Variants in EPM2AIP1 observed in about 807,000 individuals in gnomAD.
The protein encoded by EPM2AIP1 is EPM2A-interacting protein 1.
A neutral mutation model predicts 44.8 loss-of-function variants in EPM2AIP1; 23 were observed. That is an observed-to-expected ratio of 0.51 (90% CI 0.37 to 0.73). The LOEUF (loss-of-function observed/expected upper bound fraction) is 0.73. EPM2AIP1 is among the 30% of genes least tolerant of loss of function. The probability of loss-of-function intolerance (pLI) is 0.00; values close to 1 mark genes in which losing one functional copy is unlikely to be tolerated. For synonymous variants in EPM2AIP1, 311 were observed against 284.3 expected, an observed-to-expected ratio of 1.09 and a Z score of -0.94; for missense variants, 652 against 743.9, an observed-to-expected ratio of 0.88 and a Z score of 1.44.
In EPM2AIP1 at chr3:36,991,228, G is replaced by C. The variant is rs756822039; in HGVS notation, c.*26C>G. On this transcript the variant is annotated 3_prime_UTR_variant, in exon 1 of 1. Coordinates refer to ENST00000322716, the MANE Select transcript of EPM2AIP1 (RefSeq NM_014805.4). ...GCTTTTAGAATTAAATTCTTGTTGA[G>C]TTTTTCAATCTTGTACTACAAAGCC... is the stretch of plus-strand genomic sequence containing the variant. 7.2e-6 allele frequency: 11 copies of C among 1,518,986 alleles called. No homozygotes were observed. The highest frequency in any genetic ancestry group is 8.8e-6 in the Non-Finnish European group (10 of 1,131,920). 94.1% of individuals were successfully genotyped at this position (1,518,986 alleles called of 1,614,324 possible). A position where few individuals can be genotyped will look rare whatever the true frequency, so the allele number is the denominator to read the frequency against.
chr3:36,992,760 G>T lies in EPM2AIP1; in HGVS notation c.318C>A (p.Arg106=), dbSNP rs979061345. ...RAARAGLGLC[R]LLALKGRGWG... is the part of the protein sequence containing the mutation. ...AGCCGCGACCCTTCAAGGCCAAGAGGCGGCAGAGCCCGAGGCCTGCACGAG... is the reference window on the plus strand; with the variant it reads ...AGCCGCGACCCTTCAAGGCCAAGAGTCGGCAGAGCCCGAGGCCTGCACGAG... Residue 106 remains arginine (R), a synonymous_variant, in exon 1 of 1, where the codon CGC becomes CGA. Coordinates refer to ENST00000322716, the MANE Select transcript of EPM2AIP1 (RefSeq NM_014805.4). This position sits in a 1 kb window ranked among gnomAD's most constrained non-coding sequence, Gnocchi z 5.3. 15 of 1,613,722 alleles carry T rather than the reference G, an allele frequency of 9.3e-6. No individual in the cohort carries two copies. The highest frequency in any genetic ancestry group is 1.3e-5 in the Non-Finnish European group (15 of 1,179,912).
In EPM2AIP1 at chr3:36,985,986, A is replaced by G. The variant is rs569916535; in HGVS notation, c.*5268T>C. The G allele has an allele frequency of 3.3e-5, 5 of 152,374 alleles. No homozygotes were observed. The highest frequency in any genetic ancestry group is 1.2e-4 in the African/African-American group (5 of 41,586). The allele number at this position is 152,374 out of a possible 1,614,324, so 9.4% of individuals were successfully genotyped here. A position where few individuals can be genotyped will look rare whatever the true frequency, so the allele number is the denominator to read the frequency against. On this transcript the variant is annotated 3_prime_UTR_variant, in exon 1 of 1. Coordinates refer to ENST00000322716, the MANE Select transcript of EPM2AIP1 (RefSeq NM_014805.4). ...AAAGTCCCTAGGCAAGTTGCAATAG[A>G]AAAGTTGTGTGAGACAGTGAGATTT... is the stretch of plus-strand genomic sequence containing the variant.
Position 36,989,373 on chromosome 3 carries a change from T to C in EPM2AIP1, c.*1881A>G, listed in dbSNP as rs890748099. ...AACCAAAATCTCAGCTTGACCATTC[T>C]TGATAAGTACCTAATCGACATGTAA... On this transcript the variant is annotated 3_prime_UTR_variant, in exon 1 of 1. Coordinates refer to ENST00000322716, the MANE Select transcript of EPM2AIP1 (RefSeq NM_014805.4). 6 of 152,224 alleles carry C rather than the reference T, an allele frequency of 3.9e-5. No individual in the cohort carries two copies. The highest frequency in any genetic ancestry group is 5.9e-5 in the Non-Finnish European group (4 of 68,010). 9.4% of individuals were successfully genotyped at this position (152,224 alleles called of 1,614,324 possible). A position where few individuals can be genotyped will look rare whatever the true frequency, so the allele number is the denominator to read the frequency against.
chr3:36,992,367 G>A lies in EPM2AIP1; in HGVS notation c.711C>T (p.Ser237=). ...ILESLQTAGL[S]LQRMVGLTTT... ...TGGTCAGTCCAACCATTCTCTGCAA[G>A]CTAAGCCCTGCTGTCTGCAGGGACT... The change falls in exon 1 of 1, where the codon AGC becomes AGT. Residue 237 remains serine, a synonymous_variant. Transcript: ENST00000322716. This position sits in a 1 kb window ranked among gnomAD's most constrained non-coding sequence, Gnocchi z 5.3. The A allele has an allele frequency of 6.2e-7, 1 of 1,613,952 alleles. No homozygotes were observed. The highest frequency in any genetic ancestry group is 2.2e-5 in the East Asian group (1 of 44,878).
At position 36,991,527 on chromosome 3, in the gene EPM2AIP1, C is replaced by T; in HGVS notation, c.1551G>A (p.Trp517Ter). ...CCAAGTCTTTGATTCTGTATTCATT[C>T]CAAAGATTAGTGTTTGCCTGAAGTT... ...LTKLQANTNLWNEYRIKDLGQ... is the reference protein window; with the variant it reads ...LTKLQANTNL The change falls in exon 1 of 1, where the codon TGG becomes TGA. Residue 517 changes from tryptophan (W) to a stop codon, truncating the protein, a stop_gained. Coordinates refer to ENST00000322716, the MANE Select transcript of EPM2AIP1 (RefSeq NM_014805.4). LOFTEE classifies it high-confidence loss of function. 1 of 1,613,692 alleles carries T rather than the reference C, an allele frequency of 6.2e-7. No homozygotes were observed. The highest frequency in any genetic ancestry group is 8.5e-7 in the Non-Finnish European group (1 of 1,179,734).
rs1463472360 is a variant in EPM2AIP1 at position 36,992,769 on chromosome 3, C to G, written c.309G>C (p.Gly103=). ...PEERAARAGL[G]LCRLLALKGR... is the part of the protein sequence containing the mutation. ...CCTTCAAGGCCAAGAGGCGGCAGAG[C>G]CCGAGGCCTGCACGAGCAGCTCTCT... The change falls in exon 1 of 1, where the codon GGG becomes GGC. Residue 103 remains glycine, a synonymous_variant. Transcript: ENST00000322716. This position sits in a 1 kb window ranked among gnomAD's most constrained non-coding sequence, Gnocchi z 5.3. The G allele has an allele frequency of 1.2e-6, 2 of 1,613,754 alleles. No individual in the cohort carries two copies. Among genetic ancestry groups the G allele is most frequent in the Non-Finnish European group, 8.5e-7 (1 of 1,179,894 alleles).
rs2080829482 is a variant in EPM2AIP1 at position 36,992,443 on chromosome 3, A to C, written c.635T>G (p.Ile212Ser). ...LEVQEDLLTIINLTHHFSVGA... is the reference protein window; with the variant it reads ...LEVQEDLLTISNLTHHFSVGA... Reference sequence around the variant, plus strand: ...AACACTGAAATGATGAGTCAGGTTGATTATGGTCAGAAGATCTTCTTGCAC... The same window carrying C: ...AACACTGAAATGATGAGTCAGGTTGCTTATGGTCAGAAGATCTTCTTGCAC... The change falls in exon 1 of 1, where the codon ATC becomes AGC. Residue 212 changes from isoleucine to serine, a missense_variant. Transcript: ENST00000322716. The surrounding 1 kb of genome is among the most constrained non-coding windows in gnomAD (Gnocchi z 5.3). 3.7e-6 allele frequency: 6 copies of C among 1,613,974 alleles called. No individual in the cohort carries two copies. The highest frequency in any genetic ancestry group is 5.1e-6 in the Non-Finnish European group (6 of 1,179,892).
rs1277968055 is a variant in EPM2AIP1 at position 36,991,024 on chromosome 3, C to T, written c.*230G>A. ...TTAACTATATCATAAAAGACAATGA[C>T]TTTGTCACTAAACTAAGTTTTAAAA... On this transcript the variant is annotated 3_prime_UTR_variant, in exon 1 of 1. Coordinates refer to ENST00000322716, the MANE Select transcript of EPM2AIP1 (RefSeq NM_014805.4). The T allele has an allele frequency of 2.5e-6, 3 of 1,222,334 alleles. No individual in the cohort carries two copies. Among genetic ancestry groups the T allele is most frequent in the South Asian group, 6.5e-5 (2 of 30,644 alleles). The allele number at this position is 1,222,334 out of a possible 1,614,324, so 75.7% of individuals were successfully genotyped here. A position where few individuals can be genotyped will look rare whatever the true frequency, so the allele number is the denominator to read the frequency against.
rs202243683 is a variant in EPM2AIP1, at chr3:36,992,817, G to C, written c.261C>G (p.Pro87=). 9.9e-6 allele frequency: 16 copies of C among 1,612,358 alleles called. No individual in the cohort carries two copies. The East Asian group carries it at 3.6e-4, about 36-fold the overall frequency. The change falls in exon 1 of 1, where the codon CCC becomes CCG. Residue 87 remains proline (P), a synonymous_variant. Transcript: ENST00000322716. The surrounding 1 kb of genome is among the most constrained non-coding windows in gnomAD (Gnocchi z 5.3). ...TCTCTTCAGGAGTGAAGGAGGCCAC[G>C]GGCAAGTCGCCCTGACGCAGACGCT... ...LVERLRQGDL[P]VASFTPEERA... is the part of the protein sequence containing the mutation.
Position 36,992,184 on chromosome 3 carries a change from T to G in EPM2AIP1, c.894A>C (p.Ile298=). ...SSYDVDVNQI[I]NTISEWIVLI... ...AAACTATCCATTCGGATATGGTATT[T>G]ATGATCTGATTAACATCTACATCAT... Residue 298 remains isoleucine, a synonymous_variant, in exon 1 of 1, where the codon ATA becomes ATC. Transcript: ENST00000322716. The surrounding 1 kb of genome is among the most constrained non-coding windows in gnomAD (Gnocchi z 5.3). The G allele has an allele frequency of 6.2e-7, 1 of 1,614,056 alleles. No individual in the cohort carries two copies. Among genetic ancestry groups the G allele is most frequent in the Non-Finnish European group, 8.5e-7 (1 of 1,179,904 alleles).
Position 36,992,573 on chromosome 3 carries a change from C to T in EPM2AIP1, c.505G>A (p.Ala169Thr). The T allele has an allele frequency of 6.2e-7, 1 of 1,614,034 alleles. No individual in the cohort carries two copies. The highest frequency in any genetic ancestry group is 1.3e-5 in the African/African-American group (1 of 75,048). The change falls in exon 1 of 1, where the codon GCC (alanine) becomes ACC (threonine). Residue 169 changes from alanine (A) to threonine (T), a missense_variant. Coordinates refer to ENST00000322716, the MANE Select transcript of EPM2AIP1 (RefSeq NM_014805.4). This position sits in a 1 kb window ranked among gnomAD's most constrained non-coding sequence, Gnocchi z 5.3. Reference sequence around the variant, plus strand: ...AGAGAATAGGCTTTAAAGTCCCTGGCTCGGTTAAAAAGCTGGTTGCGTAGA... The same window carrying T: ...AGAGAATAGGCTTTAAAGTCCCTGGTTCGGTTAAAAAGCTGGTTGCGTAGA... ...RNLRNQLFNR[A>T]RDFKAYSLAL... is the part of the protein sequence containing the mutation.
In EPM2AIP1 at chr3:36,989,949, G is replaced by A. The variant is rs1325270475; in HGVS notation, c.*1305C>T. 1.3e-5 allele frequency: 2 copies of A among 152,174 alleles called. No homozygotes were observed. The highest frequency in any genetic ancestry group is 2.9e-5 in the Non-Finnish European group (2 of 68,028). The allele number at this position is 152,174 out of a possible 1,614,324, so 9.4% of individuals were successfully genotyped here. ...GCTGGATTAGTAACCACAGATTAAG[G>A]TGTTTCAATAGTTAAGACAGGACTT... On this transcript the variant is annotated 3_prime_UTR_variant, in exon 1 of 1. Transcript: ENST00000322716.
Position 36,990,227 on chromosome 3 carries a change from T to A in EPM2AIP1, c.*1027A>T, listed in dbSNP as rs965576586. 5.8e-6 allele frequency: 1 copy of A among 172,514 alleles called. No individual in the cohort carries two copies. The highest frequency in any genetic ancestry group is 1.2e-5 in the Non-Finnish European group (1 of 86,498). 10.7% of individuals were successfully genotyped at this position (172,514 alleles called of 1,614,324 possible). A position where few individuals can be genotyped will look rare whatever the true frequency, so the allele number is the denominator to read the frequency against. ...TTACATATAGAATGTGTACGACAGT[T>A]CCAAATTTTAGAATAAATCCATTTC... On this transcript the variant is annotated 3_prime_UTR_variant, in exon 1 of 1. Transcript: ENST00000322716.
rs2080779534 is a variant in EPM2AIP1 at position 36,987,995 on chromosome 3, C to T, written c.*3259G>A. ...TCTAGCAGTGATCAATAAGCAGTAA[C>T]AATAAAGTGTGCCAAGTGTATGTCT... On this transcript the variant is annotated 3_prime_UTR_variant, in exon 1 of 1. Transcript: ENST00000322716. The T allele has an allele frequency of 6.6e-6, 1 of 152,148 alleles. No homozygotes were observed. Among genetic ancestry groups the T allele is most frequent in the South Asian group, 2.1e-4 (1 of 4,826 alleles). The allele number at this position is 152,148 out of a possible 1,614,324, so 9.4% of individuals were successfully genotyped here.
Position 36,991,359 on chromosome 3 carries a change from C to A in EPM2AIP1, c.1719G>T (p.Gln573His). ...CTTGGAGATGCTCATCTGTTAATGG[C>A]TGACTCAAAGTGTGTTGGTTTCGAG... is the stretch of plus-strand genomic sequence containing the variant. Reference protein sequence around the residue: ...YLTRNQHTLSQPLTDEHLQAL... With the variant: ...YLTRNQHTLSHPLTDEHLQAL... The change falls in exon 1 of 1, where the codon CAG becomes CAT. Residue 573 changes from glutamine (Q) to histidine (H), a missense_variant. Transcript: ENST00000322716. 2 of 1,614,034 alleles carry A rather than the reference C, an allele frequency of 1.2e-6. No homozygotes were observed. The highest frequency in any genetic ancestry group is 8.5e-7 in the Non-Finnish European group (1 of 1,179,894).
At position 36,988,987 on chromosome 3, in the gene EPM2AIP1, C is replaced by CTTTTTTTTTTTTTT. The variant is rs71091694; in HGVS notation, c.*2253_*2266dup. 1.7e-5 allele frequency: 2 copies of CTTTTTTTTTTTTTT among 115,042 alleles called. No individual in the cohort carries two copies. Among genetic ancestry groups the CTTTTTTTTTTTTTT allele is most frequent in the Non-Finnish European group, 3.6e-5 (2 of 55,678 alleles). 7.1% of individuals were successfully genotyped at this position (115,042 alleles called of 1,614,324 possible). A position where few individuals can be genotyped will look rare whatever the true frequency, so the allele number is the denominator to read the frequency against. On this transcript the variant is annotated 3_prime_UTR_variant, in exon 1 of 1. Coordinates refer to ENST00000322716, the MANE Select transcript of EPM2AIP1 (RefSeq NM_014805.4). ...CAGTAAAATACACTTTTTTCTTTTTCTTTTTTTTTTTTTTTTTTTACAAAC... is the reference window on the plus strand; with the variant it reads ...CAGTAAAATACACTTTTTTCTTTTTCTTTTTTTTTTTTTTTTTTTTTTTTTTTTTTTTTACAAAC...
rs371218061 is a variant in EPM2AIP1 at position 36,992,961 on chromosome 3, G to A, written c.117C>T (p.Cys39=). 43 of 1,612,876 alleles carry A rather than the reference G, an allele frequency of 2.7e-5. No individual in the cohort carries two copies. The highest frequency in any genetic ancestry group is 3.5e-5 in the Non-Finnish European group (41 of 1,179,906). The change falls in exon 1 of 1, where the codon TGC becomes TGT. Residue 39 remains cysteine, a synonymous_variant. Transcript: ENST00000322716. The surrounding 1 kb of genome is among the most constrained non-coding windows in gnomAD (Gnocchi z 5.3). Reference sequence around the variant, plus strand: ...CTACGATGAGGCGGCGACAGACCAGGCACAGGGCCCCATCGCCCTCCGGAG... The same window carrying A: ...CTACGATGAGGCGGCGACAGACCAGACACAGGGCCCCATCGCCCTCCGGAG... The part of the protein sequence containing the change: ...VEPPEGDGAL[C]LVCRRLIVAT...
In EPM2AIP1 at chr3:36,993,089, C is replaced by A; in HGVS notation, c.-12G>T. On this transcript the variant is annotated 5_prime_UTR_variant, in exon 1 of 1. Coordinates refer to ENST00000322716, the MANE Select transcript of EPM2AIP1 (RefSeq NM_014805.4). ...GGCGTCATCCACATTCTGCGGGAGG[C>A]CACAAGAGCAGGGCCAACGTTAGAA... 6.3e-7 allele frequency: 1 copy of A among 1,592,078 alleles called. No individual in the cohort carries two copies. Among genetic ancestry groups the A allele is most frequent in the Non-Finnish European group, 8.6e-7 (1 of 1,167,272 alleles).
chr3:36,992,018 G>A lies in EPM2AIP1; in HGVS notation c.1060C>T (p.Leu354=). ...RGKTLKLIFS[L]RKEMEAFLVS... ...AAGAACGCTTCCATTTCTTTTCTTAGAGAGAATATTAGTTTTAAAGTTTTC... is the reference window on the plus strand; with the variant it reads ...AAGAACGCTTCCATTTCTTTTCTTAAAGAGAATATTAGTTTTAAAGTTTTC... The change falls in exon 1 of 1, where the codon CTA becomes TTA. Residue 354 remains leucine (L), a synonymous_variant. Transcript: ENST00000322716. This position sits in a 1 kb window ranked among gnomAD's most constrained non-coding sequence, Gnocchi z 5.3. The A allele has an allele frequency of 6.2e-7, 1 of 1,613,782 alleles. No homozygotes were observed. Among genetic ancestry groups the A allele is most frequent in the Non-Finnish European group, 8.5e-7 (1 of 1,179,862 alleles).
Sources: gnomAD v4.1 joint callset for allele counts on GRCh38, gnomAD v4.1.1 for gene constraint, Gnocchi (gnomAD v3.1) non-coding constraint, MANE v1.5 for transcripts, NCBI Gene and HGNC (gene_info 2026-07-23, HGNC 2026-07-21) for gene names.